Variants in CFAP251 observed in about 807,000 individuals in gnomAD.
CFAP251 encodes the protein cilia- and flagella-associated protein 251.
In CFAP251, 93 loss-of-function variants were observed where a neutral mutation model predicts 126.7. The observed-to-expected ratio is 0.73, with a 90% confidence interval of 0.62 to 0.87. The LOEUF is 0.87. CFAP251 is among the 40% of genes least tolerant of loss of function. The pLI, the probability that CFAP251 is intolerant of heterozygous loss-of-function variation, is 0.00. For synonymous variants in CFAP251, 503 were observed against 506.9 expected (o/e 0.99, Z 0.10); for missense variants, 1,287 against 1,389.2 (o/e 0.93, Z 1.17).
chr12:121,993,103 G>C (rs1280012026), intron 19 of CFAP251, among the ~76,000 whole-genome samples: 7 of 141,950 alleles, frequency 4.9e-5, no homozygotes, highest in East Asian at 4.2e-4. Flanking sequence ...TCAGCCTGCC[G>C]AGTGCCTGCG....
chr12:121,942,724 A>G (rs987711433), intron 6 of CFAP251, 79 bp downstream of exon 6: 5 of 1,301,340 alleles, frequency 3.8e-6, no homozygotes, highest in Non-Finnish European at 5.4e-6. Flanking sequence ...AGCTCTGTTC[A>G]GGCTGGGCTG....
chr12:121,993,494 C>T (rs1197357857), intron 19 of CFAP251, among the ~76,000 whole-genome samples: 3 of 145,888 alleles, frequency 2.1e-5, no homozygotes, highest in Non-Finnish European at 3.0e-5. Context: ...GCGTCTCCAC[C>T]CGGCCGCCAT....
intron 16 of CFAP251, 107 bp from the exon 17 acceptor site, chr12:121,967,899 C>G: frequency 1.9e-6 from 2 of 1,038,758 alleles, no homozygotes; most frequent in Non-Finnish European, 2.8e-6. Context: ...GGTCCAGACA[C>G]ACAGGTCCTT....
chr12:121,941,174 G>C (rs1487185498), intron 5 of CFAP251, among the ~76,000 whole-genome samples: 1 of 151,800 alleles, frequency 6.6e-6, no homozygotes, highest in Admixed American at 6.6e-5. Flanking sequence ...GGGATTATAG[G>C]TGCCTACCAC....
intron 21 of CFAP251, among the ~76,000 whole-genome samples, chr12:122,002,990 C>T (rs1883181974): frequency 6.6e-6 from 1 of 152,168 alleles, no homozygotes; most frequent in Non-Finnish European, 1.5e-5. Context: ...TCTCCCTACC[C>T]CATTCCTTTA....
chr12:121,993,391 C>T (rs1220488455), intron 19 of CFAP251, among the ~76,000 whole-genome samples: 1 of 137,424 alleles, frequency 7.3e-6, no homozygotes, highest in South Asian at 2.6e-4. Context: ...GCCGCCACCC[C>T]GTCTGGGAAG....
chr12:121,942,271 G>A (rs1042609678), intron 5 of CFAP251, among the ~76,000 whole-genome samples: 3 of 151,996 alleles, frequency 2.0e-5, no homozygotes, highest in South Asian at 2.1e-4. Context: ...GCCTATTCCG[G>A]CCGTTTCATA....
In CFAP251 at chr12:121,942,984, A is replaced by G. The variant is rs775166498; in HGVS notation, c.1191+9A>G. 1 of 1,614,040 alleles carries G rather than the reference A, an allele frequency of 6.2e-7. No homozygotes were observed. ...CAGAGTACGGTGTTCAGGTGAGTTC[A>G]GTTGGAGCCTGTAAACATCAACCTG... On this transcript the variant is annotated intron_variant, in intron 7 of 21. Coordinates refer to ENST00000288912, the MANE Select transcript of CFAP251 (RefSeq NM_144668.6).
intron 19 of CFAP251, among the ~76,000 whole-genome samples, chr12:121,993,769 G>A (rs1221392278): frequency 6.7e-5 from 10 of 148,648 alleles, no homozygotes; most frequent in South Asian, 4.3e-4. Flanking sequence ...CCCTCTGCCC[G>A]GCCAGCACCC....
chr12:121,968,751 G>A (rs1309581471), intron 17 of CFAP251: 1 of 293,594 alleles, frequency 3.4e-6, no homozygotes, highest in Admixed American at 6.5e-5. Context: ...GTGATAGCAT[G>A]TGAAATGGGG....
intron 17 of CFAP251, chr12:121,970,064 T>C: frequency 3.2e-6 from 2 of 618,940 alleles, no homozygotes; most frequent in Non-Finnish European, 2.0e-6. Flanking sequence ...CTACTAGAGT[T>C]ACTGATGATG....
intron 4 of CFAP251, chr12:121,933,570 T>TCAGC (rs1254561719): frequency 6.6e-6 from 1 of 152,452 alleles, no homozygotes; most frequent in African/African-American, 2.4e-5. Flanking sequence ...GCACAGGCTG[T>TCAGC]GGCCAAGGAG....
At chr12:121,928,656 ACGTATATATATACG>A (rs1156426784) in intron 3 of CFAP251, among the ~76,000 whole-genome samples, 35 of 26,310 alleles carry the variant, frequency 1.3e-3, no homozygotes, top group African/African-American at 1.9e-3. Flanking sequence ...ATATATATAT[ACGTATATATATACG>A]TATATATATA....
intron 7 of CFAP251, chr12:121,947,805 C>T (rs1375654): frequency 0.62 from 94,497 of 152,090 alleles, 31,971 homozygotes; most frequent in Non-Finnish European, 0.77. Flanking sequence ...CTGCCTCATG[C>T]ACTTGCTTTT....
intron 19 of CFAP251, among the ~76,000 whole-genome samples, chr12:121,988,429 T>C (rs1882802430): frequency 6.6e-6 from 1 of 152,202 alleles, no homozygotes; most frequent in South Asian, 2.1e-4. Context: ...TTTCTGTCTC[T>C]ATGGATTGGC....
chr12:121,923,487 C>G, intron 2 of CFAP251, 135 bp from the exon 3 acceptor site: 3 of 1,201,168 alleles, frequency 2.5e-6, no homozygotes, highest in Non-Finnish European at 3.4e-6. Context: ...ACAAAATGTT[C>G]CAGCCTCTTT....
chr12:121,957,402 T>TA lies in CFAP251; in HGVS notation c.1730+140dup, dbSNP rs1302579139. 2.2e-5 allele frequency: 21 copies of TA among 942,864 alleles called. No homozygotes were observed. The African/African-American group carries it at 2.7e-4, about 12-fold the overall frequency. 58.4% of individuals were successfully genotyped at this position (942,864 alleles called of 1,614,324 possible). On this transcript the variant is annotated intron_variant, in intron 11 of 21. Transcript: ENST00000288912. ...TGATTGTGATAACCACTGGATCATTTAAAAAATTAATGAAACATAAGGCCG... is the reference window on the plus strand; with the variant it reads ...TGATTGTGATAACCACTGGATCATTTAAAAAAATTAATGAAACATAAGGCCG...
chr12:121,992,134 T>A, intron 19 of CFAP251: 6 of 897,298 alleles, frequency 6.7e-6, no homozygotes, highest in Non-Finnish European at 8.0e-6. Flanking sequence ...CACCAGTGCG[T>A]CTGGGCCGCT....
At chr12:121,977,531 A>G (rs1184270858) in intron 19 of CFAP251, among the ~76,000 whole-genome samples, 1 of 152,086 alleles carries the variant, frequency 6.6e-6, no homozygotes, top group Non-Finnish European at 1.5e-5. Flanking sequence ...ATGGTGGCGC[A>G]CGCCTGTAGT....
Sources: gnomAD v4.1 joint callset for allele counts (sites outside exome capture counted in the v4.1 genomes callset) on GRCh38, gnomAD v4.1.1 for gene constraint, MANE v1.5 for transcripts, NCBI Gene and HGNC (gene_info 2026-07-23, HGNC 2026-07-21) for gene names.